Variants in PCDHGA1 observed in about 807,000 individuals in gnomAD.
The protein encoded by PCDHGA1 is protocadherin gamma subfamily A, 1.
In PCDHGA1, 32 loss-of-function variants were observed where a neutral mutation model predicts 58.0. The observed-to-expected ratio is 0.55, with a 90% CI of 0.42 to 0.74. The LOEUF is 0.74. Ranked by LOEUF, PCDHGA1 falls within the 30% of genes least tolerant of loss-of-function variation. PCDHGA1 has a pLI of 0.00. For missense variants in PCDHGA1, 1,205 were observed against 1,182.3 expected (o/e 1.02, Z -0.28); for synonymous variants, 498 against 501.1 (o/e 0.99, Z 0.08).
chr5:141,411,910 C>T (rs1248743908), intron 1 of PCDHGA1: 2 of 152,164 alleles, frequency 1.3e-5, no homozygotes, highest in East Asian at 1.9e-4. Context: ...TGCCTTTGCA[C>T]TCAGTCTCTG....
chr5:141,364,593 G>T (rs1404153764), intron 1 of PCDHGA1: 1 of 1,614,096 alleles, frequency 6.2e-7, no homozygotes, highest in Non-Finnish European at 8.5e-7. Flanking sequence ...GTCACCGCGG[G>T]CAGGATAGAC....
chr5:141,502,866 C>CTT (rs549047197), intron 2 of PCDHGA1, among the ~76,000 whole-genome samples: 3 of 128,046 alleles, frequency 2.3e-5, no homozygotes, highest in Non-Finnish European at 3.2e-5. Flanking sequence ...GACTCTCTGT[C>CTT]TTTTTTTTTT....
At chr5:141,372,273 C>T (rs201775561) in intron 1 of PCDHGA1, 6 of 1,613,106 alleles carry the variant, frequency 3.7e-6, no homozygotes, top group East Asian at 4.5e-5. Context: ...GGGTGAGGTG[C>T]GCACGGCGCG....
At chr5:141,356,394 T>C in intron 1 of PCDHGA1, 3 of 1,579,600 alleles carry the variant, frequency 1.9e-6, no homozygotes, top group South Asian at 1.1e-5. Flanking sequence ...AAAAGACCTA[T>C]GGAAATTATT....
intron 1 of PCDHGA1, among the ~76,000 whole-genome samples, chr5:141,460,612 T>C (rs1215147315): frequency 6.6e-6 from 1 of 152,128 alleles, no homozygotes; most frequent in African/African-American, 2.4e-5. Flanking sequence ...GTTAGATGGA[T>C]AGATAGACAG....
intron 1 of PCDHGA1, among the ~76,000 whole-genome samples, chr5:141,475,556 T>A (rs1420756007): frequency 6.6e-6 from 1 of 152,248 alleles, no homozygotes; most frequent in Non-Finnish European, 1.5e-5. Context: ...CGGCTAATTG[T>A]CTGTCTTCCA....
At chr5:141,475,813 T>C in intron 1 of PCDHGA1, 1 of 334,788 alleles carries the variant, frequency 3.0e-6, no homozygotes, top group East Asian at 5.5e-5. Flanking sequence ...GAAAGTGAAG[T>C]TCCTGGCGCT....
At chr5:141,399,991 G>T (rs1226741326) in intron 1 of PCDHGA1, 3 of 1,612,304 alleles carry the variant, frequency 1.9e-6, no homozygotes, top group Admixed American at 3.3e-5. Context: ...CACAGGAGAG[G>T]TGCGCACAGC....
chr5:141,491,783 A>C lies in PCDHGA1; in HGVS notation c.2422-3024A>C. 1 of 1,539,736 alleles carries C rather than the reference A, an allele frequency of 6.5e-7. No individual in the cohort carries two copies. The highest frequency in any genetic ancestry group is 1.2e-5 in the South Asian group (1 of 82,444). On this transcript the variant is annotated intron_variant, in intron 1 of 3. Coordinates refer to ENST00000517417, the MANE Select transcript of PCDHGA1 (RefSeq NM_018912.3). The surrounding 1 kb of genome is among the most constrained non-coding windows in gnomAD (Gnocchi z 6.9). ...CGTCCTCATAAGGGATTGAACTTGC[A>C]TCCACTCCTCTCCGGCCGGCTTGGT...
Position 141,431,599 on chromosome 5 carries a change from C to T in PCDHGA1, c.2422-63208C>T. On this transcript the variant is annotated intron_variant, in intron 1 of 3. Transcript: ENST00000517417. The surrounding 1 kb of genome is among the most constrained non-coding windows in gnomAD (Gnocchi z 4.8). ...GAGTCAATGCGGAAGTGAGGTATTC[C>T]TTCCGGTATGTGGACGACAAGGCGG... 1 of 1,614,194 alleles carries T rather than the reference C, an allele frequency of 6.2e-7. No individual in the cohort carries two copies. The highest frequency in any genetic ancestry group is 8.5e-7 in the Non-Finnish European group (1 of 1,180,034).
chr5:141,475,708 C>G (rs2099367415), intron 1 of PCDHGA1, among the ~76,000 whole-genome samples: 1 of 152,238 alleles, frequency 6.6e-6, no homozygotes, highest in African/African-American at 2.4e-5. Flanking sequence ...AACGGCTAGC[C>G]TCACAGCCCC....
intron 1 of PCDHGA1, chr5:141,345,764 G>A: frequency 6.2e-7 from 1 of 1,614,190 alleles, no homozygotes; most frequent in South Asian, 1.1e-5. Flanking sequence ...GCGTGGAGCT[G>A]GCGCCTCGCT....
intron 1 of PCDHGA1, chr5:141,339,008 C>G (rs750651648): frequency 2.8e-5 from 44 of 1,566,636 alleles, no homozygotes; most frequent in Non-Finnish European, 3.8e-5. Flanking sequence ...CTGCAGAAAG[C>G]TGGTCCTGCT....
At chr5:141,418,328 G>C in intron 1 of PCDHGA1, 1 of 1,614,002 alleles carries the variant, frequency 6.2e-7, no homozygotes. Flanking sequence ...TCTTGAGTCT[G>C]CAGAAGATCC....
chr5:141,335,513 G>A (rs1194723060), intron 1 of PCDHGA1, among the ~76,000 whole-genome samples: 2 of 152,086 alleles, frequency 1.3e-5, no homozygotes, highest in Non-Finnish European at 2.9e-5. Context: ...GAAAAATATA[G>A]CTTAGAAAAT....
intron 1 of PCDHGA1, among the ~76,000 whole-genome samples, chr5:141,481,184 C>A (rs2099533291): frequency 6.6e-6 from 1 of 152,146 alleles, no homozygotes; most frequent in African/African-American, 2.4e-5. Flanking sequence ...CTTTATTGGG[C>A]CAGGCCCAAT....
At chr5:141,419,588 A>T in intron 1 of PCDHGA1, 1 of 1,611,830 alleles carries the variant, frequency 6.2e-7, no homozygotes, top group East Asian at 2.2e-5. Flanking sequence ...GCTCTTCGAC[A>T]CAGTGCCGCG....
At chr5:141,362,131 G>A in intron 1 of PCDHGA1, 2 of 1,614,048 alleles carry the variant, frequency 1.2e-6, no homozygotes, top group Non-Finnish European at 1.7e-6. Flanking sequence ...AATCTTCGCG[G>A]ATAGCCTGCA....
chr5:141,485,726 C>G lies in PCDHGA1; in HGVS notation c.2422-9081C>G. On this transcript the variant is annotated intron_variant, in intron 1 of 3. Transcript: ENST00000517417. The surrounding 1 kb of genome is among the most constrained non-coding windows in gnomAD (Gnocchi z 5.7). ...ACACTTTGCACTGGATGTGAAGAAG[C>G]GCAGCGACGGCAGCCTGGTCCCAGA... 2 of 1,614,140 alleles carry G rather than the reference C, an allele frequency of 1.2e-6. No individual in the cohort carries two copies. The highest frequency in any genetic ancestry group is 1.1e-5 in the South Asian group (1 of 91,082).
Sources: gnomAD v4.1 joint callset for allele counts (sites outside exome capture counted in the v4.1 genomes callset) on GRCh38, gnomAD v4.1.1 for gene constraint, Gnocchi (gnomAD v3.1) non-coding constraint, MANE v1.5 for transcripts, NCBI Gene and HGNC (gene_info 2026-07-23, HGNC 2026-07-21) for gene names.